Variants in C16orf78 observed in about 807,000 individuals in gnomAD.
C16orf78 encodes the protein uncharacterized protein C16orf78.
C16orf78 carries 19 observed loss-of-function variants against 27.3 expected under a neutral mutation model. The ratio of observed to expected loss-of-function variants is 0.70; its 90% CI spans 0.49 to 1.02. The LOEUF (loss-of-function observed/expected upper bound fraction) is 1.02. C16orf78 is among the 50% of genes least tolerant of loss of function. The probability of loss-of-function intolerance (pLI) is 0.00; values close to 1 mark genes in which losing one functional copy is unlikely to be tolerated. For synonymous variants in C16orf78, 130 were observed against 116.1 expected (o/e 1.12, Z -0.77); for missense variants, 339 against 337.0 (o/e 1.01, Z -0.05).
intron 3 of C16orf78, among the ~76,000 whole-genome samples, chr16:49,381,461 A>T (rs1051668494): frequency 1.3e-5 from 2 of 152,194 alleles, no homozygotes; most frequent in African/African-American, 2.4e-5. Flanking sequence ...AGAAACTACC[A>T]TCAGAGTGAA....
At chr16:49,382,271 G>A (rs1423314287) in intron 3 of C16orf78, among the ~76,000 whole-genome samples, 1 of 152,070 alleles carries the variant, frequency 6.6e-6, no homozygotes, top group Admixed American at 6.6e-5. Flanking sequence ...TTGTGGGGTG[G>A]GGGGAGTGGA....
At chr16:49,376,142 G>A (rs1215136169) in intron 1 of C16orf78, among the ~76,000 whole-genome samples, 1 of 152,192 alleles carries the variant, frequency 6.6e-6, no homozygotes, top group Non-Finnish European at 1.5e-5. Context: ...CTGGTGAGAT[G>A]GTTGGGGTCT....
At chr16:49,395,832 T>C (rs1311148006) in intron 3 of C16orf78, among the ~76,000 whole-genome samples, 1 of 151,912 alleles carries the variant, frequency 6.6e-6, no homozygotes, top group Non-Finnish European at 1.5e-5. Flanking sequence ...GAATTCCTGC[T>C]GGGGAGGATG....
chr16:49,380,174 C>G (rs1387255548), intron 3 of C16orf78, among the ~76,000 whole-genome samples: 2 of 152,152 alleles, frequency 1.3e-5, no homozygotes, highest in Non-Finnish European at 2.9e-5. Flanking sequence ...GTCGGCTTCC[C>G]TACTTTTGAG....
chr16:49,385,924 G>A (rs1222483109), intron 3 of C16orf78, among the ~76,000 whole-genome samples: 1 of 152,108 alleles, frequency 6.6e-6, no homozygotes, highest in Non-Finnish European at 1.5e-5. Flanking sequence ...TAGACTGGCT[G>A]AATGAATTTA....
At chr16:49,377,080 TCCCTAATGACCCTGCCCTCCCTGCCTC>T (rs1395370308) in intron 1 of C16orf78, among the ~76,000 whole-genome samples, 2 of 152,120 alleles carry the variant, frequency 1.3e-5, no homozygotes, top group Non-Finnish European at 2.9e-5. Context: ...ACCCTGGAGA[TCCCTAATGACCCTGCCCTCCCTGCCTC>T]CCCTGCGAGA....
intron 3 of C16orf78, among the ~76,000 whole-genome samples, chr16:49,394,944 C>T (rs574957566): frequency 5.3e-5 from 8 of 152,144 alleles, no homozygotes; most frequent in African/African-American, 1.9e-4. Context: ...CATAGCTCAC[C>T]GCAGCCTTGA....
At chr16:49,374,659 T>C (rs1296222112) in intron 1 of C16orf78, among the ~76,000 whole-genome samples, 1 of 152,192 alleles carries the variant, frequency 6.6e-6, no homozygotes, top group Admixed American at 6.5e-5. Flanking sequence ...TCAGCTCTTC[T>C]CTCCTTGTGA....
At chr16:49,395,096 C>T (rs1443596842) in intron 3 of C16orf78, among the ~76,000 whole-genome samples, 1 of 152,098 alleles carries the variant, frequency 6.6e-6, no homozygotes, top group Non-Finnish European at 1.5e-5. Flanking sequence ...TGGCCTCAAT[C>T]CATGTTGCCC....
At chr16:49,383,153 A>G (rs1965308164) in intron 3 of C16orf78, among the ~76,000 whole-genome samples, 1 of 152,222 alleles carries the variant, frequency 6.6e-6, no homozygotes, top group Non-Finnish European at 1.5e-5. Context: ...CAAATGGGCC[A>G]GCCCAAGTGC....
chr16:49,377,318 G>A (rs927278871), intron 1 of C16orf78, among the ~76,000 whole-genome samples: 4 of 152,170 alleles, frequency 2.6e-5, no homozygotes, highest in Non-Finnish European at 5.9e-5. Flanking sequence ...AGGCCCAGAG[G>A]TCTGGATCAG....
intron 4 of C16orf78, among the ~76,000 whole-genome samples, chr16:49,397,009 A>G (rs567794903): frequency 2.0e-5 from 3 of 152,336 alleles, no homozygotes; most frequent in Non-Finnish European, 4.4e-5. Flanking sequence ...CTTAATAGGA[A>G]GATTTCCCTA....
Position 49,378,514 on chromosome 16 carries a change from C to T in C16orf78, c.315C>T (p.Ser105=). ...RFRKDAASYR[S]LYGVEQKGKH... is the part of the protein sequence containing the mutation. Reference sequence around the variant, plus strand: ...GGAAGGACGCCGCCTCCTACCGAAGCCTCTATGGAGTGGAGCAAAAGGGGA... The same window carrying T: ...GGAAGGACGCCGCCTCCTACCGAAGTCTCTATGGAGTGGAGCAAAAGGGGA... The change falls in exon 3 of 5, where the codon AGC becomes AGT. Residue 105 remains serine, a synonymous_variant. Transcript: ENST00000299191. 1 of 1,609,926 alleles carries T rather than the reference C, an allele frequency of 6.2e-7. No homozygotes were observed. The highest frequency in any genetic ancestry group is 2.2e-5 in the East Asian group (1 of 44,808).
chr16:49,399,380 G>T lies in C16orf78; in HGVS notation c.*102G>T. The T allele has an allele frequency of 7.3e-7, 1 of 1,373,482 alleles. No individual in the cohort carries two copies. The highest frequency in any genetic ancestry group is 1.4e-5 in the South Asian group (1 of 73,222). 85.1% of individuals were successfully genotyped at this position (1,373,482 alleles called of 1,614,324 possible). On this transcript the variant is annotated 3_prime_UTR_variant, in exon 5 of 5. Transcript: ENST00000299191. ...CTACAAGTGGTCCTTCCAACTTAGT[G>T]CATCCCTTTAGAAAGTAAGCAATCA...
At chr16:49,384,703 C>G (rs184833763) in intron 3 of C16orf78, among the ~76,000 whole-genome samples, 4 of 152,136 alleles carry the variant, frequency 2.6e-5, no homozygotes, top group Admixed American at 1.3e-4. Context: ...CAATCATTCC[C>G]AAATAGGTTG....
chr16:49,396,552 G>C lies in C16orf78; in HGVS notation c.524G>C (p.Arg175Thr), dbSNP rs766093244. The change falls in exon 4 of 5, where the codon AGA (arginine) becomes ACA (threonine). Residue 175 changes from arginine to threonine, a missense_variant. Physicochemically the swap from Arg to Thr is moderately conservative, Grantham distance 71. Coordinates refer to ENST00000299191, the MANE Select transcript of C16orf78 (RefSeq NM_144602.4). ...AACAGCCAGAGGGCAACCTTCATAA[G>C]AGACTGGTCCAACAAGATGCCTGAC... ...TFNSQRATFIRDWSNKMPDMA... is the reference protein window; with the variant it reads ...TFNSQRATFITDWSNKMPDMA... The C allele has an allele frequency of 6.2e-7, 1 of 1,610,822 alleles. No individual in the cohort carries two copies. Among genetic ancestry groups the C allele is most frequent in the South Asian group, 1.1e-5 (1 of 91,082 alleles).
intron 3 of C16orf78, among the ~76,000 whole-genome samples, chr16:49,387,176 T>C (rs1965361179): frequency 6.6e-6 from 1 of 152,218 alleles, no homozygotes; most frequent in South Asian, 2.1e-4. Context: ...GTGGTTTTGA[T>C]TTGCATTTCT....
chr16:49,382,676 A>T (rs889232009), intron 3 of C16orf78, among the ~76,000 whole-genome samples: 8 of 152,178 alleles, frequency 5.3e-5, no homozygotes, highest in Non-Finnish European at 1.2e-4. Flanking sequence ...TCACTCTCAG[A>T]TGCGAATCAT....
chr16:49,389,452 C>A (rs1965387634), intron 3 of C16orf78, among the ~76,000 whole-genome samples: 1 of 151,434 alleles, frequency 6.6e-6, no homozygotes, highest in East Asian at 1.9e-4. Flanking sequence ...AAAAATTAGC[C>A]AAGCGTGGTG....
Sources: allele counts gnomAD v4.1 joint callset (sites outside exome capture counted in the v4.1 genomes callset), GRCh38; gene constraint gnomAD v4.1.1; transcripts MANE v1.5; gene names NCBI Gene and HGNC (gene_info 2026-07-23, HGNC 2026-07-21).